The following SAMD5 variants were observed in gnomAD, a reference collection of about 807,000 sequenced individuals.
The protein encoded by SAMD5 is sterile alpha motif domain containing 5.
A neutral mutation model predicts 11.3 loss-of-function variants in SAMD5; 13 were observed. The ratio of observed to expected loss-of-function variants is 1.15; its 90% CI spans 0.75 to 1.83. SAMD5 has a LOEUF of 1.83. Among genes scored for constraint, SAMD5 ranks in the 40% most tolerant of loss-of-function variants. SAMD5 has a pLI of 0.00. For missense variants in SAMD5, 255 were observed against 239.1 expected (o/e 1.07, Z -0.44); for synonymous variants, 129 against 111.3 (o/e 1.16, Z -1.00).
chr6:147,919,145 C>A, the SAMD5 span, among the ~76,000 whole-genome samples: 1 of 152,114 alleles, frequency 6.6e-6, no homozygotes, highest in African/African-American at 2.4e-5. Flanking sequence ...ACACGCTTGT[C>A]ACTAATTGTC....
chr6:147,625,236 A>T (rs1790033505), intron 1 of SAMD5, among the ~76,000 whole-genome samples: 2 of 152,218 alleles, frequency 1.3e-5, no homozygotes, highest in Admixed American at 1.3e-4. Context: ...TTAGTGCTTC[A>T]TGTGGACATG....
chr6:147,807,764 T>C, the SAMD5 span, among the ~76,000 whole-genome samples: 1 of 152,196 alleles, frequency 6.6e-6, no homozygotes, highest in African/African-American at 2.4e-5. Flanking sequence ...CTTACTTGTG[T>C]CTCTACCCAG....
intron 1 of SAMD5, among the ~76,000 whole-genome samples, chr6:147,523,742 C>T (rs144129514): frequency 6.6e-6 from 1 of 152,246 alleles, no homozygotes; most frequent in African/African-American, 2.4e-5. Context: ...GGTTAAGGGG[C>T]AAAACGTGAA....
intron 1 of SAMD5, among the ~76,000 whole-genome samples, chr6:147,580,645 T>C (rs1343588046): frequency 6.6e-6 from 1 of 152,354 alleles, no homozygotes; most frequent in South Asian, 2.1e-4. Context: ...TATTTCATTT[T>C]AATTAAATAG....
At chr6:147,585,148 GAC>G (rs1388325406) in intron 1 of SAMD5, among the ~76,000 whole-genome samples, 2 of 152,114 alleles carry the variant, frequency 1.3e-5, no homozygotes, top group Non-Finnish European at 2.9e-5. Context: ...AAAAGATTGA[GAC>G]CCATTAATAG....
intron 1 of SAMD5, among the ~76,000 whole-genome samples, chr6:147,674,265 G>A (rs899032662): frequency 6.6e-6 from 1 of 152,262 alleles, no homozygotes; most frequent in South Asian, 2.1e-4. Context: ...ACACTAGAGG[G>A]TGGAGGGGGC....
At chr6:147,642,916 G>A (rs1790335487) in intron 1 of SAMD5, among the ~76,000 whole-genome samples, 1 of 152,156 alleles carries the variant, frequency 6.6e-6, no homozygotes, top group East Asian at 1.9e-4. Context: ...CATCTGCACT[G>A]TTGTCACCCC....
the SAMD5 span, among the ~76,000 whole-genome samples, chr6:147,850,589 T>C: frequency 6.6e-6 from 1 of 152,196 alleles, no homozygotes; most frequent in Non-Finnish European, 1.5e-5. Flanking sequence ...TTGTTTTGAT[T>C]TTAATTACAA....
chr6:147,744,117 A>G, the SAMD5 span, among the ~76,000 whole-genome samples: 1 of 152,228 alleles, frequency 6.6e-6, no homozygotes, highest in African/African-American at 2.4e-5. Flanking sequence ...ACTGACTGCA[A>G]AAATGGTTAG....
At chr6:147,665,731 T>C (rs1790707902) in intron 1 of SAMD5, among the ~76,000 whole-genome samples, 1 of 152,236 alleles carries the variant, frequency 6.6e-6, no homozygotes, top group South Asian at 2.1e-4. Context: ...CATCTTTCAA[T>C]GAAGGAGATG....
the SAMD5 span, among the ~76,000 whole-genome samples, chr6:147,843,026 A>C: frequency 6.6e-6 from 1 of 152,052 alleles, no homozygotes; most frequent in Non-Finnish European, 1.5e-5. Context: ...CGCCTAGCTA[A>C]TTGTTGTATT....
chr6:147,576,516 G>A (rs1192784616), intron 1 of SAMD5, among the ~76,000 whole-genome samples: 2 of 152,176 alleles, frequency 1.3e-5, no homozygotes, highest in African/African-American at 2.4e-5. Flanking sequence ...GTGTGGTACA[G>A]TGGAAAGGGG....
chr6:147,720,808 A>G, intron 1 of SAMD5, among the ~76,000 whole-genome samples: 1 of 145,936 alleles, frequency 6.9e-6, no homozygotes, highest in African/African-American at 2.5e-5. Context: ...CTAACTCGTC[A>G]TCTAGCATTA....
chr6:147,669,285 T>C (rs1304082855), intron 1 of SAMD5, among the ~76,000 whole-genome samples: 1 of 152,174 alleles, frequency 6.6e-6, no homozygotes, highest in Non-Finnish European at 1.5e-5. Flanking sequence ...TCAACAATGT[T>C]CACACCATCT....
At chr6:147,666,480 CT>C (rs1790723946) in intron 1 of SAMD5, among the ~76,000 whole-genome samples, 1 of 152,172 alleles carries the variant, frequency 6.6e-6, no homozygotes, top group Non-Finnish European at 1.5e-5. Flanking sequence ...GCTTCAGGCC[CT>C]TCCTCCTCAG....
At chr6:147,791,864 T>C in the SAMD5 span, among the ~76,000 whole-genome samples, 2 of 152,164 alleles carry the variant, frequency 1.3e-5, no homozygotes, top group African/African-American at 2.4e-5. Flanking sequence ...ATGCCAATTA[T>C]ATGACTTACG....
chr6:147,942,760 C>G, the SAMD5 span, among the ~76,000 whole-genome samples: 3 of 151,104 alleles, frequency 2.0e-5, no homozygotes, highest in Admixed American at 6.6e-5. Context: ...TGATTACAAT[C>G]TAAATACTGG....
At chr6:147,849,288 G>T in the SAMD5 span, among the ~76,000 whole-genome samples, 1 of 151,278 alleles carries the variant, frequency 6.6e-6, no homozygotes, top group African/African-American at 2.4e-5. Context: ...AAATTCACAG[G>T]TACGGTTATG....
chr6:147,840,988 A>G, the SAMD5 span, among the ~76,000 whole-genome samples: 7 of 152,226 alleles, frequency 4.6e-5, no homozygotes, highest in Admixed American at 4.6e-4. Context: ...TGGAAATTTG[A>G]AAGGAGTCTG....
Sources: gnomAD v4.1 joint callset for allele counts (sites outside exome capture counted in the v4.1 genomes callset) on GRCh38, gnomAD v4.1.1 for gene constraint, MANE v1.5 for transcripts, NCBI Gene and HGNC (gene_info 2026-07-23, HGNC 2026-07-21) for gene names.